The following RAD54L2 variants were observed in gnomAD, a reference collection of about 807,000 sequenced individuals.
RAD54L2 encodes the protein RAD54 like 2.
RAD54L2 carries 27 observed loss-of-function variants against 138.4 expected under a neutral mutation model. The observed-to-expected ratio is 0.20, with a 90% CI of 0.14 to 0.27. RAD54L2 has a LOEUF of 0.27. RAD54L2 is among the 10% of genes least tolerant of loss of function. The pLI is 1.00. For missense variants in RAD54L2, 1,396 were observed against 1,890.2 expected (o/e 0.74, Z 4.85); for synonymous variants, 644 against 723.2 (o/e 0.89, Z 1.76).
At chr3:51,612,677 G>A (rs1361530333) in intron 3 of RAD54L2, among the ~76,000 whole-genome samples, 1 of 133,138 alleles carries the variant, frequency 7.5e-6, no homozygotes, top group Admixed American at 8.2e-5. Context: ...CTTTGTTCAT[G>A]ATGGTCTTTG....
At chr3:51,552,504 C>T (rs763202583) in intron 2 of RAD54L2, among the ~76,000 whole-genome samples, 3 of 151,580 alleles carry the variant, frequency 2.0e-5, no homozygotes, top group Non-Finnish European at 4.4e-5. Flanking sequence ...CCTCATGATC[C>T]ACCTGCCTCG....
chr3:51,571,167 C>T (rs1392794525), intron 2 of RAD54L2, among the ~76,000 whole-genome samples: 1 of 152,134 alleles, frequency 6.6e-6, no homozygotes, highest in African/African-American at 2.4e-5. Flanking sequence ...GCATTTCTGC[C>T]TTTCCCTTTG....
In RAD54L2 at chr3:51,637,181, C is replaced by T. The variant is rs1009620447; in HGVS notation, c.1360C>T (p.Arg454Cys). 13 of 1,584,978 alleles carry T rather than the reference C, an allele frequency of 8.2e-6. No homozygotes were observed. Among genetic ancestry groups the T allele is most frequent in the African/African-American group, 5.4e-5 (4 of 74,228 alleles). Residue 454 changes from arginine to cysteine, a missense_variant, in exon 11 of 23, where the codon CGC becomes TGC. Arg to Cys is a radical substitution (Grantham distance 180). Coordinates refer to ENST00000684192, the MANE Select transcript of RAD54L2 (RefSeq NM_015106.4). This position sits in a 1 kb window ranked among gnomAD's most constrained non-coding sequence, Gnocchi z 5.9. ...FRREFEKALC[R>C]PGPDVVICDE... is the part of the protein sequence containing the mutation. ...CCTAGAGTTTGAGAAGGCTTTATGC[C>T]GCCCTGGCCCTGATGTAGTAATCTG...
In RAD54L2 at chr3:51,560,553, G is replaced by A. The variant is rs192815865; in HGVS notation, c.-55+18903G>A. Among the ~76,000 whole-genome samples the A allele has an allele frequency of 2.0e-4, 31 of 151,928 alleles. No homozygotes were observed. In the East Asian group the frequency reaches 5.4e-3, roughly 27 times the overall value. On this transcript the variant is annotated intron_variant, in intron 2 of 22. Coordinates refer to ENST00000684192, the MANE Select transcript of RAD54L2 (RefSeq NM_015106.4). ...TTTTTTATATTTTTTAGTAGAGACA[G>A]GGTTTCACTGTGTTAGCCAGGCTGC...
chr3:51,654,904 C>T (rs1227192613), intron 19 of RAD54L2, among the ~76,000 whole-genome samples: 1 of 152,060 alleles, frequency 6.6e-6, no homozygotes, highest in African/African-American at 2.4e-5. Context: ...TAGTCTTAGC[C>T]CCTGCAGGGT....
At position 51,579,463 on chromosome 3, in the gene RAD54L2, TTTA is replaced by T. The variant is rs1237739890; in HGVS notation, c.-54-10897_-54-10895del. Among the ~76,000 whole-genome samples the T allele has an allele frequency of 5.9e-5, 9 of 152,246 alleles. No individual in the cohort carries two copies. In the East Asian group the frequency reaches 1.7e-3, roughly 29 times the overall value. On this transcript the variant is annotated intron_variant, in intron 2 of 22. Transcript: ENST00000684192. ...TCCTATCCTAATTCTCATTATCAGTTTTATTATTACTTAAAATATGGAAAACAG... is the reference window on the plus strand; with the variant it reads ...TCCTATCCTAATTCTCATTATCAGTTTTATTACTTAAAATATGGAAAACAG...
At chr3:51,642,365 CT>C (rs1433664674) in intron 15 of RAD54L2, among the ~76,000 whole-genome samples, 1 of 139,112 alleles carries the variant, frequency 7.2e-6, no homozygotes, top group African/African-American at 2.7e-5. Context: ...GGGTGGAAAT[CT>C]TAACTTTTAA....
intron 3 of RAD54L2, among the ~76,000 whole-genome samples, chr3:51,617,185 G>A (rs914716045): frequency 6.6e-6 from 1 of 152,020 alleles, no homozygotes; most frequent in African/African-American, 2.4e-5. Flanking sequence ...TCTAGAGATG[G>A]TTTGCTGTTT....
chr3:51,553,407 A>C (rs1447624805), intron 2 of RAD54L2, among the ~76,000 whole-genome samples: 1 of 152,230 alleles, frequency 6.6e-6, no homozygotes, highest in Non-Finnish European at 1.5e-5. Context: ...TAATCATAGC[A>C]GCTCACATAC....
chr3:51,614,218 G>T (rs1238448634), intron 3 of RAD54L2, among the ~76,000 whole-genome samples: 4 of 151,908 alleles, frequency 2.6e-5, no homozygotes, highest in African/African-American at 4.8e-5. Flanking sequence ...CTAGAGGGCA[G>T]TGGAATGATC....
intron 3 of RAD54L2, among the ~76,000 whole-genome samples, chr3:51,608,812 C>G (rs901681822): frequency 1.3e-5 from 2 of 152,132 alleles, no homozygotes; most frequent in African/African-American, 2.4e-5. Context: ...AGAGGGAGAC[C>G]CAGTCCAGCC....
chr3:51,589,683 T>TACACAC (rs34544597), intron 2 of RAD54L2, among the ~76,000 whole-genome samples: 138 of 144,866 alleles, frequency 9.5e-4, no homozygotes, highest in Middle Eastern at 7.0e-3. Context: ...TATATATATA[T>TACACAC]ACACACACAC....
intron 3 of RAD54L2, among the ~76,000 whole-genome samples, chr3:51,601,280 G>T (rs1700073879): frequency 6.7e-6 from 1 of 149,922 alleles, no homozygotes; most frequent in Admixed American, 6.6e-5. Context: ...CCAAAGTGCT[G>T]AGATTACAGG....
chr3:51,567,718 A>G (rs988521261), intron 2 of RAD54L2, among the ~76,000 whole-genome samples: 6 of 151,936 alleles, frequency 3.9e-5, no homozygotes, highest in African/African-American at 1.2e-4. Context: ...TTTAATTTTA[A>G]TATTTTATTT....
At chr3:51,655,880 A>G in intron 19 of RAD54L2, 91 bp from the exon 20 acceptor site, 1 of 1,144,392 alleles carries the variant, frequency 8.7e-7, no homozygotes, top group South Asian at 1.6e-5. Context: ...GATGGTGTAG[A>G]ATGGGGCAGC....
intron 3 of RAD54L2, among the ~76,000 whole-genome samples, chr3:51,603,955 T>C (rs138035225): frequency 1.3e-5 from 2 of 152,252 alleles, no homozygotes; most frequent in South Asian, 2.1e-4. Flanking sequence ...CTGGCTGATA[T>C]GGAGGTAATT....
chr3:51,634,460 C>T (rs994910510), intron 9 of RAD54L2, among the ~76,000 whole-genome samples: 8 of 145,244 alleles, frequency 5.5e-5, no homozygotes, highest in Non-Finnish European at 1.2e-4. Context: ...ACCTCTGCTT[C>T]CCAGGTTCAA....
intron 2 of RAD54L2, among the ~76,000 whole-genome samples, chr3:51,551,440 AT>A (rs79199660): frequency 2.8e-3 from 387 of 139,532 alleles, no homozygotes; most frequent in Middle Eastern, 8.1e-3. Flanking sequence ...GCCTAATTTA[AT>A]TTTTTTTTTT....
At chr3:51,554,277 G>C (rs1273343029) in intron 2 of RAD54L2, among the ~76,000 whole-genome samples, 2 of 151,426 alleles carry the variant, frequency 1.3e-5, no homozygotes, top group South Asian at 4.2e-4. Context: ...TGAGGCAGGA[G>C]AATCTCTTGA....
Sources: allele counts gnomAD v4.1 joint callset (sites outside exome capture counted in the v4.1 genomes callset), GRCh38; gene constraint gnomAD v4.1.1; non-coding constraint Gnocchi (gnomAD v3.1); transcripts MANE v1.5; gene names NCBI Gene and HGNC (gene_info 2026-07-23, HGNC 2026-07-21).